The following LDLRAD3 variants were observed in gnomAD, a reference collection of about 807,000 sequenced individuals.
LDLRAD3 encodes low-density lipoprotein receptor class A domain-containing protein 3.
Under a neutral mutation model 29.4 loss-of-function variants are expected in LDLRAD3, and 20 were observed. That is an observed-to-expected ratio of 0.68 (90% CI 0.48 to 0.99). The LOEUF (loss-of-function observed/expected upper bound fraction) is 0.99, where lower values mean the gene tolerates loss of function less well. Among genes scored for constraint, LDLRAD3 ranks in the 50% least tolerant of loss-of-function variants. The pLI, the probability that LDLRAD3 is intolerant of heterozygous loss-of-function variation, is 0.00. For missense variants in LDLRAD3, 420 were observed against 454.3 expected (o/e 0.92, Z 0.69); for synonymous variants, 157 against 192.7 (o/e 0.81, Z 1.53).
chr11:36,148,452 G>A (rs989747724), intron 4 of LDLRAD3, among the ~76,000 whole-genome samples: 8 of 152,240 alleles, frequency 5.3e-5, no homozygotes, highest in South Asian at 2.1e-4. Flanking sequence ...ATTCCCTAAC[G>A]AGGACTTTGC....
chr11:36,058,928 GCT>G (rs923380380), intron 2 of LDLRAD3, among the ~76,000 whole-genome samples: 3 of 152,154 alleles, frequency 2.0e-5, no homozygotes, highest in Admixed American at 6.5e-5. Flanking sequence ...TTCATTCACA[GCT>G]CTCTGTCTTC....
chr11:36,066,722 T>C (rs899284839), intron 2 of LDLRAD3, among the ~76,000 whole-genome samples: 5 of 152,244 alleles, frequency 3.3e-5, no homozygotes, highest in African/African-American at 7.2e-5. Flanking sequence ...TTATGGTTTA[T>C]AGTGTCTTTC....
chr11:35,981,274 C>G (rs1330637917), intron 1 of LDLRAD3, among the ~76,000 whole-genome samples: 1 of 152,086 alleles, frequency 6.6e-6, no homozygotes, highest in Non-Finnish European at 1.5e-5. Flanking sequence ...CAGAACTCTG[C>G]AGGCAGAGTA....
intron 4 of LDLRAD3, among the ~76,000 whole-genome samples, chr11:36,107,603 A>AT (rs1328893623): frequency 1.3e-5 from 2 of 152,164 alleles, no homozygotes; most frequent in Non-Finnish European, 2.9e-5. Flanking sequence ...TCTTTACTGT[A>AT]TTTTTTTATG....
In LDLRAD3 at chr11:36,227,367, C is replaced by A; in HGVS notation, c.737C>A (p.Ala246Glu). Reference sequence around the variant, plus strand: ...GGCATCCAGTATGTGGCCAGCCAGGCGGAGCAGAATGCGTCGGAAGTAGGC... The same window carrying A: ...GGCATCCAGTATGTGGCCAGCCAGGAGGAGCAGAATGCGTCGGAAGTAGGC... ...NNGIQYVASQ[A>E]EQNASEVGSP... The change falls in exon 5 of 6, where the codon GCG becomes GAG. Residue 246 changes from alanine to glutamate, a missense_variant. Transcript: ENST00000315571. The A allele has an allele frequency of 1.9e-6, 3 of 1,613,570 alleles. No homozygotes were observed. Among genetic ancestry groups the A allele is most frequent in the Non-Finnish European group, 2.5e-6 (3 of 1,179,762 alleles).
chr11:36,108,716 T>A (rs1002155124), intron 4 of LDLRAD3, among the ~76,000 whole-genome samples: 2 of 152,090 alleles, frequency 1.3e-5, no homozygotes, highest in African/African-American at 2.4e-5. Context: ...AACAGCGTGA[T>A]GCATTTGAGG....
rs12270058 is a variant in LDLRAD3, at chr11:36,067,084, C to A, written c.194-14569C>A. Among the ~76,000 whole-genome samples the A allele has an allele frequency of 5.4e-3, 829 of 152,248 alleles. 12 individuals are homozygous for A. Among genetic ancestry groups the A allele is most frequent in the African/African-American group, 0.019 (791 of 41,534 alleles). Reference sequence around the variant, plus strand: ...TTCCTCTTGTCTGGAGTGTCCTTCCCTCTTTTTTTTCACTAACACACTCCT... The same window carrying A: ...TTCCTCTTGTCTGGAGTGTCCTTCCATCTTTTTTTTCACTAACACACTCCT... On this transcript the variant is annotated intron_variant, in intron 2 of 5. Coordinates refer to ENST00000315571, the MANE Select transcript of LDLRAD3 (RefSeq NM_174902.4).
At chr11:36,116,615 T>C (rs1209071402) in intron 4 of LDLRAD3, among the ~76,000 whole-genome samples, 1 of 152,086 alleles carries the variant, frequency 6.6e-6, no homozygotes, top group Non-Finnish European at 1.5e-5. Context: ...CCCTGCATTA[T>C]GTGGTTCTCT....
chr11:36,144,941 C>A (rs1854156414), intron 4 of LDLRAD3, among the ~76,000 whole-genome samples: 1 of 100,874 alleles, frequency 9.9e-6, no homozygotes, highest in African/African-American at 3.7e-5. Flanking sequence ...AAGTGAGGAG[C>A]CCCTCTGCCC....
chr11:35,994,913 A>G (rs1274671970), intron 1 of LDLRAD3, among the ~76,000 whole-genome samples: 1 of 152,204 alleles, frequency 6.6e-6, no homozygotes, highest in Non-Finnish European at 1.5e-5. Flanking sequence ...ATTCAGTCAC[A>G]TCTTTAGGCT....
chr11:36,043,358 A>G (rs1320728801), intron 2 of LDLRAD3, among the ~76,000 whole-genome samples: 1 of 152,246 alleles, frequency 6.6e-6, no homozygotes, highest in Non-Finnish European at 1.5e-5. Flanking sequence ...AGCTTCCTGC[A>G]GCTGTCTAAC....
chr11:36,129,722 T>G (rs1443828520), intron 4 of LDLRAD3, among the ~76,000 whole-genome samples: 1 of 152,144 alleles, frequency 6.6e-6, no homozygotes, highest in African/African-American at 2.4e-5. Flanking sequence ...GCCCTAAGCC[T>G]CCTTCTTGGC....
intron 1 of LDLRAD3, among the ~76,000 whole-genome samples, chr11:35,965,745 C>T (rs1424798879): frequency 6.6e-6 from 1 of 151,912 alleles, no homozygotes; most frequent in Non-Finnish European, 1.5e-5. Flanking sequence ...TCTTTGGGGT[C>T]AGAGACACAC....
chr11:36,231,408 G>T lies in LDLRAD3; in HGVS notation c.*2011G>T, dbSNP rs1403640410. 2 of 152,128 alleles carry T rather than the reference G, an allele frequency of 1.3e-5. No individual in the cohort carries two copies. The highest frequency in any genetic ancestry group is 2.9e-5 in the Non-Finnish European group (2 of 68,026). The allele number at this position is 152,128 out of a possible 1,614,324, so 9.4% of individuals were successfully genotyped here. On this transcript the variant is annotated 3_prime_UTR_variant, in exon 6 of 6. Transcript: ENST00000315571. The stretch of plus-strand genomic sequence containing the variant: ...CTGAGTAATCCAATAAAGAACTTTT[G>T]ATGACAGCCAGAATGTGTTAGAACT...
chr11:36,050,683 A>G (rs1043074874), intron 2 of LDLRAD3, among the ~76,000 whole-genome samples: 1 of 152,196 alleles, frequency 6.6e-6, no homozygotes, highest in Non-Finnish European at 1.5e-5. Flanking sequence ...CAGAGCCTAT[A>G]CTGAGTGTCC....
chr11:36,207,107 G>A (rs1855221734), intron 4 of LDLRAD3, among the ~76,000 whole-genome samples: 1 of 152,148 alleles, frequency 6.6e-6, no homozygotes, highest in Admixed American at 6.5e-5. Context: ...TGGAACTGTG[G>A]TCTCATCTGA....
intron 1 of LDLRAD3, among the ~76,000 whole-genome samples, chr11:35,973,931 C>T (rs930321709): frequency 2.0e-5 from 3 of 152,172 alleles, no homozygotes; most frequent in African/African-American, 7.2e-5. Flanking sequence ...TTGTGTTTCT[C>T]ACTCTTATAA....
At chr11:36,025,642 G>A (rs1456361425) in intron 1 of LDLRAD3, among the ~76,000 whole-genome samples, 1 of 151,796 alleles carries the variant, frequency 6.6e-6, no homozygotes, top group Non-Finnish European at 1.5e-5. Context: ...GCCCGCCTCG[G>A]CCTCCCAAAG....
intron 4 of LDLRAD3, among the ~76,000 whole-genome samples, chr11:36,223,662 GA>G (rs1267282652): frequency 6.6e-6 from 1 of 152,142 alleles, no homozygotes; most frequent in Admixed American, 6.5e-5. Flanking sequence ...TGAAGCTGTT[GA>G]ACCAAGATCG....
Sources: gnomAD v4.1 joint callset for allele counts (sites outside exome capture counted in the v4.1 genomes callset) on GRCh38, gnomAD v4.1.1 for gene constraint, MANE v1.5 for transcripts, NCBI Gene and HGNC (gene_info 2026-07-23, HGNC 2026-07-21) for gene names.